SCAPER: variants seen among roughly 807,000 people sequenced by gnomAD.
SCAPER encodes S phase cyclin A-associated protein in the endoplasmic reticulum.
SCAPER carries 98 observed loss-of-function variants against 182.2 expected under a neutral mutation model. The observed-to-expected ratio is 0.54, with a 90% CI of 0.46 to 0.64. The LOEUF (loss-of-function observed/expected upper bound fraction) is 0.64. SCAPER is among the 30% of genes least tolerant of loss of function. SCAPER has a pLI of 0.00. For synonymous variants in SCAPER, 605 were observed against 564.6 expected (o/e 1.07, Z -1.01); for missense variants, 1,432 against 1,690.0 (o/e 0.85, Z 2.68).
chr15:76,834,140 T>C (rs2068739969), intron 5 of SCAPER, among the ~76,000 whole-genome samples: 1 of 152,010 alleles, frequency 6.6e-6, no homozygotes, highest in African/African-American at 2.4e-5. Context: ...AAGTGAAATA[T>C]ACAAACTACA....
In SCAPER at chr15:76,500,415, G is replaced by T. The variant is rs562734131; in HGVS notation, c.2954+4444C>A. On this transcript the variant is annotated intron_variant, in intron 24 of 31. Coordinates refer to ENST00000563290, the MANE Select transcript of SCAPER (RefSeq NM_020843.4). Reference sequence around the variant, plus strand: ...CTTAAGTAAGTAAAAGACAACCTGGGGAAGACTCTTTTTGGTGGCCCAAGA... The same window carrying T: ...CTTAAGTAAGTAAAAGACAACCTGGTGAAGACTCTTTTTGGTGGCCCAAGA... Among the ~76,000 whole-genome samples, 7 of 152,258 alleles carry T rather than the reference G, an allele frequency of 4.6e-5. 1 individual carries two copies. The highest frequency in any genetic ancestry group is 1.7e-4 in the African/African-American group (7 of 41,548).
intron 24 of SCAPER, among the ~76,000 whole-genome samples, chr15:76,478,212 T>G (rs543720891): frequency 7.5e-4 from 111 of 147,550 alleles, no homozygotes; most frequent in African/African-American, 2.6e-3. Flanking sequence ...CATCATCTTT[T>G]TGTTAATTGT....
chr15:76,858,344 C>T (rs1474708784), intron 3 of SCAPER, among the ~76,000 whole-genome samples: 6 of 152,066 alleles, frequency 3.9e-5, no homozygotes, highest in Non-Finnish European at 8.8e-5. Context: ...AATTTCACTG[C>T]GAAAAGTGAG....
intron 2 of SCAPER, among the ~76,000 whole-genome samples, chr15:76,868,643 G>A (rs935006673): frequency 2.0e-5 from 3 of 151,804 alleles, no homozygotes; most frequent in Non-Finnish European, 4.4e-5. Context: ...AGAATGAGGA[G>A]GATATAAAAA....
At chr15:76,724,244 A>T (rs894440269) in intron 17 of SCAPER, among the ~76,000 whole-genome samples, 1 of 151,734 alleles carries the variant, frequency 6.6e-6, no homozygotes, top group Non-Finnish European at 1.5e-5. Context: ...AAGAATGTTG[A>T]ATATTGGCCC....
chr15:76,660,294 T>C (rs2056028238), intron 21 of SCAPER, among the ~76,000 whole-genome samples: 1 of 152,180 alleles, frequency 6.6e-6, no homozygotes, highest in African/African-American at 2.4e-5. Context: ...TTACTATGCT[T>C]ATTACCTGGA....
intron 24 of SCAPER, among the ~76,000 whole-genome samples, chr15:76,490,115 T>C (rs967258357): frequency 2.0e-5 from 3 of 152,208 alleles, no homozygotes; most frequent in African/African-American, 7.2e-5. Context: ...ACAGAAGTGG[T>C]AATATCTCTT....
At chr15:76,628,010 T>A (rs1372225716) in intron 21 of SCAPER, among the ~76,000 whole-genome samples, 1 of 152,236 alleles carries the variant, frequency 6.6e-6, no homozygotes, top group Non-Finnish European at 1.5e-5. Flanking sequence ...TATCTCATTG[T>A]GGTTTTGATT....
At chr15:76,451,646 G>T (rs868329102) in intron 25 of SCAPER, among the ~76,000 whole-genome samples, 5 of 152,262 alleles carry the variant, frequency 3.3e-5, no homozygotes, top group Middle Eastern at 3.4e-3. Flanking sequence ...AACTGAACAA[G>T]AGCAGAGGCC....
At chr15:76,441,107 G>A (rs1035078193) in intron 25 of SCAPER, among the ~76,000 whole-genome samples, 1 of 151,662 alleles carries the variant, frequency 6.6e-6, no homozygotes, top group Non-Finnish European at 1.5e-5. Flanking sequence ...ATTTTTAGTA[G>A]AGACGGGGTT....
intron 23 of SCAPER, among the ~76,000 whole-genome samples, chr15:76,521,650 A>T (rs2042847882): frequency 6.6e-6 from 1 of 152,218 alleles, no homozygotes; most frequent in Non-Finnish European, 1.5e-5. Context: ...AATATTAACA[A>T]AATGGCCTAA....
At chr15:76,491,742 G>C (rs909567048) in intron 24 of SCAPER, among the ~76,000 whole-genome samples, 1 of 151,972 alleles carries the variant, frequency 6.6e-6, no homozygotes. Context: ...AGTGATTCTC[G>C]TGCCTCAGCC....
intron 23 of SCAPER, among the ~76,000 whole-genome samples, chr15:76,573,385 C>T (rs1007193876): frequency 2.6e-5 from 4 of 151,692 alleles, no homozygotes; most frequent in Non-Finnish European, 5.9e-5. Context: ...TATTACATTA[C>T]AACCTTTAAA....
rs762092242 is a variant in SCAPER, at chr15:76,381,355, C to G, written c.3705+23G>C. ...ATACTAACTCTTGATTGGTTAACAT[C>G]GATATAAACCAATACTTGGTACCTG... On this transcript the variant is annotated intron_variant, in intron 28 of 31. Transcript: ENST00000563290. 16 of 1,584,224 alleles carry G rather than the reference C, an allele frequency of 1.0e-5. No homozygotes were observed. The South Asian group carries it at 1.7e-4, about 17-fold the overall frequency.
rs2050056239 is a variant in SCAPER at position 76,603,172 on chromosome 15, A to C, written c.2711+18592T>G. On this transcript the variant is annotated intron_variant, in intron 22 of 31. Coordinates refer to ENST00000563290, the MANE Select transcript of SCAPER (RefSeq NM_020843.4). ...TTAGCATTAGGTATATCTCCTAATG[A>C]TATCCCTCCCCCTTCCTCCCACCCC... is the stretch of plus-strand genomic sequence containing the variant. Among the ~76,000 whole-genome samples the C allele has an allele frequency of 2.5e-5, 3 of 118,556 alleles. No individual in the cohort carries two copies. The South Asian group carries it at 7.9e-4, about 31-fold the overall frequency. 77.8% of individuals were successfully genotyped at this position (118,556 alleles called of 152,430 possible).
chr15:76,662,353 A>G (rs1396642890), intron 21 of SCAPER, among the ~76,000 whole-genome samples: 1 of 152,160 alleles, frequency 6.6e-6, no homozygotes, highest in East Asian at 1.9e-4. Flanking sequence ...AAATAAAAAT[A>G]AAATAAAATC....
intron 17 of SCAPER, among the ~76,000 whole-genome samples, chr15:76,722,020 T>A (rs1308304454): frequency 6.6e-6 from 1 of 152,216 alleles, no homozygotes; most frequent in Non-Finnish European, 1.5e-5. Flanking sequence ...TCAAAGGGAA[T>A]GCTTCCGGTT....
At chr15:76,888,328 T>A (rs1445148680) in intron 1 of SCAPER, among the ~76,000 whole-genome samples, 1 of 151,798 alleles carries the variant, frequency 6.6e-6, no homozygotes, top group Non-Finnish European at 1.5e-5. Context: ...TGGAGAATGA[T>A]GAGTTGACAG....
chr15:76,496,979 G>C (rs952555363), intron 24 of SCAPER, among the ~76,000 whole-genome samples: 2 of 152,020 alleles, frequency 1.3e-5, no homozygotes, highest in African/African-American at 4.8e-5. Context: ...AGGCTATTGG[G>C]AACTTTCACA....
Sources: gnomAD v4.1 joint callset for allele counts (sites outside exome capture counted in the v4.1 genomes callset) on GRCh38, gnomAD v4.1.1 for gene constraint, MANE v1.5 for transcripts, NCBI Gene and HGNC (gene_info 2026-07-23, HGNC 2026-07-21) for gene names.